TMEM184B: variants seen among roughly 807,000 people sequenced by gnomAD.
TMEM184B encodes the protein transmembrane protein 184B.
A neutral mutation model predicts 41.8 loss-of-function variants in TMEM184B; 17 were observed. The ratio of observed to expected loss-of-function variants is 0.41; its 90% CI spans 0.28 to 0.61. The LOEUF is 0.61. TMEM184B is among the 20% of genes least tolerant of loss of function. The probability of loss-of-function intolerance (pLI) is 0.34; values close to 1 mark genes in which losing one functional copy is unlikely to be tolerated. For synonymous variants in TMEM184B, 240 were observed against 229.5 expected (o/e 1.05, Z -0.41); for missense variants, 393 against 557.8 (o/e 0.70, Z 2.98).
chr22:38,229,155 G>A (rs980541940), intron 5 of TMEM184B, among the ~76,000 whole-genome samples: 8 of 152,364 alleles, frequency 5.3e-5, no homozygotes, highest in East Asian at 3.9e-4. Context: ...AGCAGGCCCC[G>A]CCCTCCAGGG....
At chr22:38,254,659 G>T (rs180779246) in intron 1 of TMEM184B, among the ~76,000 whole-genome samples, 1 of 152,214 alleles carries the variant, frequency 6.6e-6, no homozygotes, top group East Asian at 1.9e-4. Context: ...TTAAGGAAAT[G>T]CAAACTGAAA....
At chr22:38,223,267 G>A (rs1245598884) in intron 8 of TMEM184B, 1 of 152,332 alleles carries the variant, frequency 6.6e-6, no homozygotes, top group Non-Finnish European at 1.5e-5. Flanking sequence ...CCTCTGCTGA[G>A]CCCCAGTGGT....
At chr22:38,269,194 C>T (rs1276133342) in intron 1 of TMEM184B, among the ~76,000 whole-genome samples, 1 of 152,256 alleles carries the variant, frequency 6.6e-6, no homozygotes, top group Non-Finnish European at 1.5e-5. Flanking sequence ...TTACCTCCCT[C>T]TCTCCCTCCT....
chr22:38,246,691 G>C, intron 2 of TMEM184B: 1 of 777,072 alleles, frequency 1.3e-6, no homozygotes, highest in Non-Finnish European at 1.8e-6. Flanking sequence ...CAGCACCACT[G>C]CTGCTCTGTT....
chr22:38,258,834 G>A (rs1328761499), intron 1 of TMEM184B, among the ~76,000 whole-genome samples: 5 of 152,294 alleles, frequency 3.3e-5, no homozygotes, highest in Non-Finnish European at 7.4e-5. Context: ...ATTTCTGAGC[G>A]TTCTGAATTC....
chr22:38,241,883 CAAAAAAAAA>C (rs34060428), intron 3 of TMEM184B, among the ~76,000 whole-genome samples: 8 of 32,618 alleles, frequency 2.5e-4, no homozygotes, highest in African/African-American at 3.7e-4. Context: ...GACTCCGTCT[CAAAAAAAAA>C]AAAAAAAAAA....
intron 1 of TMEM184B, among the ~76,000 whole-genome samples, chr22:38,248,979 C>T (rs2092102686): frequency 6.6e-6 from 1 of 152,158 alleles, no homozygotes; most frequent in African/African-American, 2.4e-5. Context: ...TCTTTTAACC[C>T]AGCCCATGTG....
At chr22:38,222,527 G>A (rs776932003) in intron 8 of TMEM184B, 735 of 924,928 alleles carry the variant, frequency 7.9e-4, no homozygotes, top group Non-Finnish European at 9.0e-4. Context: ...CCACCCAGGG[G>A]GTGCCGGTGG....
chr22:38,220,433 T>C lies in TMEM184B; in HGVS notation c.*1036A>G. 2 of 985,780 alleles carry C rather than the reference T, an allele frequency of 2.0e-6. No individual in the cohort carries two copies. The highest frequency in any genetic ancestry group is 2.4e-6 in the Non-Finnish European group (2 of 829,940). 61.1% of individuals were successfully genotyped at this position (985,780 alleles called of 1,614,324 possible). A position where few individuals can be genotyped will look rare whatever the true frequency, so the allele number is the denominator to read the frequency against. ...AGATGGGGTAGAACACCAGGCCCTG[T>C]GTGGATAGGGGCCCCGAGAGGAGTC... On this transcript the variant is annotated 3_prime_UTR_variant, in exon 9 of 9. Coordinates refer to ENST00000361906, the MANE Select transcript of TMEM184B (RefSeq NM_012264.5).
intron 3 of TMEM184B, among the ~76,000 whole-genome samples, chr22:38,234,713 C>T (rs1262149695): frequency 6.6e-6 from 1 of 152,222 alleles, no homozygotes; most frequent in African/African-American, 2.4e-5. Flanking sequence ...GTCCTGCACC[C>T]TGCTTACTTC....
intron 8 of TMEM184B, among the ~76,000 whole-genome samples, chr22:38,224,550 C>T (rs1015309467): frequency 3.9e-5 from 6 of 152,212 alleles, no homozygotes; most frequent in East Asian, 1.9e-4. Context: ...AGCCCTGGAC[C>T]GCCACACTTG....
intron 5 of TMEM184B, among the ~76,000 whole-genome samples, chr22:38,227,316 G>A (rs925620193): frequency 6.6e-6 from 1 of 152,122 alleles, no homozygotes; most frequent in African/African-American, 2.4e-5. Context: ...GACAGGCAGA[G>A]GGGGCAGCTT....
chr22:38,258,590 G>A (rs762596838), intron 1 of TMEM184B, among the ~76,000 whole-genome samples: 2 of 152,054 alleles, frequency 1.3e-5, no homozygotes, highest in Non-Finnish European at 2.9e-5. Flanking sequence ...ATGAGCCACC[G>A]TGCCCAGCCG....
At chr22:38,251,244 G>C (rs1297888614) in intron 1 of TMEM184B, among the ~76,000 whole-genome samples, 1 of 152,104 alleles carries the variant, frequency 6.6e-6, no homozygotes, top group Non-Finnish European at 1.5e-5. Flanking sequence ...TTTACTCTTG[G>C]GCAACCCCGG....
Position 38,251,420 on chromosome 22 carries a change from T to C in TMEM184B, c.-58-3401A>G, listed in dbSNP as rs565006837. 3.9e-5 allele frequency among the ~76,000 whole-genome samples: 6 copies of C among 152,240 alleles called. No individual in the cohort carries two copies. The East Asian group carries it at 9.6e-4, about 24-fold the overall frequency. On this transcript the variant is annotated intron_variant, in intron 1 of 8. Coordinates refer to ENST00000361906, the MANE Select transcript of TMEM184B (RefSeq NM_012264.5). ...CAAGGGTTTTCATAATTCCCCAAAATACTTAAAGCCGTATTCTGGCTCATA... is the reference window on the plus strand; with the variant it reads ...CAAGGGTTTTCATAATTCCCCAAAACACTTAAAGCCGTATTCTGGCTCATA...
At chr22:38,232,276 C>T (rs1041589794) in intron 3 of TMEM184B, 1 of 152,202 alleles carries the variant, frequency 6.6e-6, no homozygotes, top group African/African-American at 2.4e-5. Context: ...CTCAACATCT[C>T]CACAAAGACC....
chr22:38,237,926 C>T lies in TMEM184B; in HGVS notation c.359-6592G>A, dbSNP rs139956051. The stretch of plus-strand genomic sequence containing the variant: ...AAGCAATTCTCCTGCCTCAGCCTCC[C>T]GAGTGGCTGGAAGTACAGGCATGCG... On this transcript the variant is annotated intron_variant, in intron 3 of 8. Transcript: ENST00000361906. Among the ~76,000 whole-genome samples the T allele has an allele frequency of 7.9e-5, 12 of 151,212 alleles. No homozygotes were observed. In the South Asian group the frequency reaches 2.1e-3, roughly 26 times the overall value.
In TMEM184B at chr22:38,248,025, G is replaced by C. The variant is rs1480979224; in HGVS notation, c.-58-6C>G. On this transcript the variant is annotated splice_polypyrimidine_tract_variant and splice_region_variant and intron_variant, in intron 1 of 8. Transcript: ENST00000361906. ...GCAGAAAGTGACAAGCTAGCCTAGAGAGAAGAAATTGCAATGTGAGTCTCC... is the reference window on the plus strand; with the variant it reads ...GCAGAAAGTGACAAGCTAGCCTAGACAGAAGAAATTGCAATGTGAGTCTCC... 1.3e-6 allele frequency: 2 copies of C among 1,489,920 alleles called. No individual in the cohort carries two copies. Among genetic ancestry groups the C allele is most frequent in the Non-Finnish European group, 1.8e-6 (2 of 1,122,954 alleles). The allele number at this position is 1,489,920 out of a possible 1,614,324, so 92.3% of individuals were successfully genotyped here. A position where few individuals can be genotyped will look rare whatever the true frequency, so the allele number is the denominator to read the frequency against.
intron 1 of TMEM184B, among the ~76,000 whole-genome samples, chr22:38,271,991 T>C (rs888950257): frequency 6.6e-6 from 1 of 152,208 alleles, no homozygotes; most frequent in Non-Finnish European, 1.5e-5. Flanking sequence ...AGGGCACAGA[T>C]TGCTGCTTCT....
Sources: allele counts gnomAD v4.1 joint callset (sites outside exome capture counted in the v4.1 genomes callset), GRCh38; gene constraint gnomAD v4.1.1; transcripts MANE v1.5; gene names NCBI Gene and HGNC (gene_info 2026-07-23, HGNC 2026-07-21).